Variants in LSAMP observed in about 807,000 individuals in gnomAD.
LSAMP encodes limbic system-associated membrane protein.
LSAMP carries 7 observed loss-of-function variants against 38.6 expected under a neutral mutation model. That is an observed-to-expected ratio of 0.18 (90% CI 0.10 to 0.34). The LOEUF is 0.34. Among genes scored for constraint, LSAMP ranks in the 10% least tolerant of loss-of-function variants. LSAMP has a pLI of 1.00. For missense variants in LSAMP, 313 were observed against 420.0 expected (o/e 0.75, Z 2.23); for synonymous variants, 154 against 166.8 (o/e 0.92, Z 0.59).
chr3:115,953,404 T>TACACACACACAC (rs71616336), intron 3 of LSAMP, among the ~76,000 whole-genome samples: 5,083 of 143,616 alleles, frequency 0.035, 123 homozygotes, highest in East Asian at 0.11. Flanking sequence ...GTAGTGTGCG[T>TACACACACACAC]ACACACACAC....
intron 1 of LSAMP, among the ~76,000 whole-genome samples, chr3:116,311,947 T>C (rs1038566578): frequency 3.3e-5 from 5 of 152,230 alleles, no homozygotes; most frequent in Admixed American, 3.3e-4. Flanking sequence ...CTGAGCAAGA[T>C]GAATGCCTAT....
intron 3 of LSAMP, among the ~76,000 whole-genome samples, chr3:115,951,797 G>A (rs1013000335): frequency 6.6e-6 from 1 of 152,062 alleles, no homozygotes; most frequent in African/African-American, 2.4e-5. Context: ...ATGGCCTACT[G>A]TGGGACCACA....
At chr3:115,979,679 T>C (rs1939302176) in intron 3 of LSAMP, among the ~76,000 whole-genome samples, 1 of 152,050 alleles carries the variant, frequency 6.6e-6, no homozygotes, top group African/African-American at 2.4e-5. Flanking sequence ...TTGCCTAAAA[T>C]CTCAAAGAAC....
intron 1 of LSAMP, among the ~76,000 whole-genome samples, chr3:116,391,251 C>T (rs1164311197): frequency 6.6e-6 from 1 of 151,920 alleles, no homozygotes; most frequent in Admixed American, 6.6e-5. Context: ...GCGGCAGGAG[C>T]AGCTGCGGGA....
intron 1 of LSAMP, among the ~76,000 whole-genome samples, chr3:116,327,442 C>T (rs1431654408): frequency 6.6e-6 from 1 of 152,104 alleles, no homozygotes; most frequent in Admixed American, 6.6e-5. Context: ...ACATTACCTT[C>T]TTCAGGATTT....
At chr3:115,969,424 T>C (rs1938938737) in intron 3 of LSAMP, among the ~76,000 whole-genome samples, 1 of 152,196 alleles carries the variant, frequency 6.6e-6, no homozygotes, top group African/African-American at 2.4e-5. Flanking sequence ...TTAAGCCTGA[T>C]CATAACCTTC....
intron 3 of LSAMP, among the ~76,000 whole-genome samples, chr3:116,000,984 T>C (rs1481736332): frequency 6.6e-6 from 1 of 152,158 alleles, no homozygotes; most frequent in Non-Finnish European, 1.5e-5. Context: ...AGTTATGCAG[T>C]TTTCCCAAAG....
At chr3:116,124,385 T>G (rs1208741789) in intron 1 of LSAMP, among the ~76,000 whole-genome samples, 1 of 152,232 alleles carries the variant, frequency 6.6e-6, no homozygotes, top group African/African-American at 2.4e-5. Context: ...TATCACATTC[T>G]TATCTGACAC....
chr3:116,081,548 A>G (rs928771293), intron 2 of LSAMP, among the ~76,000 whole-genome samples: 6 of 152,154 alleles, frequency 3.9e-5, no homozygotes, highest in African/African-American at 1.4e-4. Flanking sequence ...GCCATTTTAG[A>G]TTTATATATA....
chr3:116,407,246 T>A (rs1356953251), intron 1 of LSAMP, among the ~76,000 whole-genome samples: 2 of 152,042 alleles, frequency 1.3e-5, no homozygotes, highest in Non-Finnish European at 2.9e-5. Flanking sequence ...TTTCCAAACA[T>A]GCATCCATCA....
intron 1 of LSAMP, among the ~76,000 whole-genome samples, chr3:116,375,140 GTTCT>G (rs1419989476): frequency 6.6e-6 from 1 of 151,880 alleles, no homozygotes; most frequent in Non-Finnish European, 1.5e-5. Flanking sequence ...GCTATTTTGT[GTTCT>G]TTGTCTATCA....
intron 1 of LSAMP, among the ~76,000 whole-genome samples, chr3:116,237,227 C>A (rs899433722): frequency 6.6e-6 from 1 of 152,112 alleles, no homozygotes; most frequent in African/African-American, 2.4e-5. Flanking sequence ...ATTCTCACAT[C>A]AGTATTAGTA....
At chr3:115,881,373 A>G (rs1436804241) in intron 3 of LSAMP, among the ~76,000 whole-genome samples, 1 of 152,150 alleles carries the variant, frequency 6.6e-6, no homozygotes, top group Non-Finnish European at 1.5e-5. Flanking sequence ...AAAGCAATCC[A>G]TATTTGGATG....
intron 3 of LSAMP, among the ~76,000 whole-genome samples, chr3:115,914,353 G>T (rs959715061): frequency 6.6e-6 from 1 of 152,058 alleles, no homozygotes; most frequent in African/African-American, 2.4e-5. Context: ...TTCTCATCCC[G>T]CACCACCTCA....
intron 1 of LSAMP, among the ~76,000 whole-genome samples, chr3:116,426,937 A>G (rs1315352864): frequency 6.6e-6 from 1 of 152,020 alleles, no homozygotes; most frequent in East Asian, 1.9e-4. Flanking sequence ...TTGAAAACAA[A>G]AATCTCCTGG....
intron 1 of LSAMP, among the ~76,000 whole-genome samples, chr3:116,286,567 C>T (rs1028501053): frequency 3.9e-5 from 6 of 152,104 alleles, no homozygotes; most frequent in Non-Finnish European, 7.4e-5. Flanking sequence ...CACTTCTCTT[C>T]CTCTAACTCA....
intron 1 of LSAMP, among the ~76,000 whole-genome samples, chr3:116,442,678 G>A: frequency 6.6e-6 from 1 of 152,186 alleles, no homozygotes; most frequent in African/African-American, 2.4e-5. Context: ...GGGCATGTAA[G>A]GTGAGGTCTG....
intron 1 of LSAMP, among the ~76,000 whole-genome samples, chr3:116,348,923 C>T (rs2048099755): frequency 6.6e-6 from 1 of 152,032 alleles, no homozygotes; most frequent in Non-Finnish European, 1.5e-5. Context: ...TTTGACAAGC[C>T]AATCCTACTT....
At position 115,862,898 on chromosome 3, in the gene LSAMP, G is replaced by A. The variant is rs527999344; in HGVS notation, c.515-10281C>T. Among the ~76,000 whole-genome samples, 14 of 152,298 alleles carry A rather than the reference G, an allele frequency of 9.2e-5. No homozygotes were observed. In the East Asian group the frequency reaches 2.1e-3, roughly 23 times the overall value. Reference sequence around the variant, plus strand: ...GGGTCCCAGCTGCAGTGTCAGGAGCGCAGGTAGAGGTGGCGTGGGAGAGAA... The same window carrying A: ...GGGTCCCAGCTGCAGTGTCAGGAGCACAGGTAGAGGTGGCGTGGGAGAGAA... On this transcript the variant is annotated intron_variant, in intron 3 of 6. Transcript: ENST00000490035.
Sources: allele counts gnomAD v4.1 joint callset (sites outside exome capture counted in the v4.1 genomes callset), GRCh38; gene constraint gnomAD v4.1.1; transcripts MANE v1.5; gene names NCBI Gene and HGNC (gene_info 2026-07-23, HGNC 2026-07-21).